Variants in WFDC8 observed in about 807,000 individuals in gnomAD.
WFDC8 encodes the protein WAP four-disulfide core domain protein 8.
WFDC8 carries 24 observed loss-of-function variants against 27.0 expected under a neutral mutation model. The ratio of observed to expected loss-of-function variants is 0.89; its 90% CI spans 0.64 to 1.25. The LOEUF (loss-of-function observed/expected upper bound fraction) is 1.25. Among genes scored for constraint, WFDC8 ranks in the 50% most tolerant of loss-of-function variants. WFDC8 has a pLI of 0.00. For missense variants in WFDC8, 287 were observed against 295.9 expected (o/e 0.97, Z 0.22); for synonymous variants, 106 against 99.7 (o/e 1.06, Z -0.38).
At chr20:45,556,788 C>A (rs931479573) in intron 3 of WFDC8, among the ~76,000 whole-genome samples, 1 of 152,120 alleles carries the variant, frequency 6.6e-6, no homozygotes, top group African/African-American at 2.4e-5. Context: ...GCAACAACAA[C>A]AAACTATTTC....
chr20:45,577,824 C>T (rs962532539), intron 1 of WFDC8, among the ~76,000 whole-genome samples: 11 of 149,138 alleles, frequency 7.4e-5, no homozygotes, highest in Admixed American at 1.3e-4. Context: ...CTGGCCAACA[C>T]GGTGAAACCC....
chr20:45,554,553 T>C (rs1353945311), intron 4 of WFDC8, among the ~76,000 whole-genome samples: 1 of 152,210 alleles, frequency 6.6e-6, no homozygotes, highest in Non-Finnish European at 1.5e-5. Flanking sequence ...CAGGCTATGA[T>C]GTGTTGAACT....
At chr20:45,560,640 A>G (rs571940399) in intron 2 of WFDC8, among the ~76,000 whole-genome samples, 14 of 152,330 alleles carry the variant, frequency 9.2e-5, no homozygotes, top group African/African-American at 3.1e-4. Context: ...ATCAAAAGTA[A>G]TGAGGTCAGA....
At chr20:45,565,059 AG>A (rs1980625738) in intron 1 of WFDC8, among the ~76,000 whole-genome samples, 1 of 145,088 alleles carries the variant, frequency 6.9e-6, no homozygotes, top group Non-Finnish European at 1.5e-5. Context: ...AAGGAAGAAG[AG>A]AGAGGGAGGG....
chr20:45,552,174 G>A lies in WFDC8; in HGVS notation c.587-9C>T, dbSNP rs17348421. The stretch of plus-strand genomic sequence containing the variant: ...GCAGAAACCTTTTTTGACTTTATGG[G>A]GTAAAAGAAAACACTTGACCTTGAA... On this transcript the variant is annotated splice_polypyrimidine_tract_variant and intron_variant, in intron 5 of 5. Coordinates refer to ENST00000289953, the MANE Select transcript of WFDC8 (RefSeq NM_130896.3). 642,135 of 1,610,564 alleles carry A rather than the reference G, an allele frequency of 0.4. 133,345 individuals carry two copies. The highest frequency in any genetic ancestry group is 0.43 in the Non-Finnish European group (508,619 of 1,178,706).
At chr20:45,569,711 G>T (rs569100725) in intron 1 of WFDC8, among the ~76,000 whole-genome samples, 2 of 152,232 alleles carry the variant, frequency 1.3e-5, no homozygotes, top group East Asian at 3.9e-4. Flanking sequence ...CATATGGATA[G>T]CCAGTTATCC....
chr20:45,560,873 A>G (rs1361818960), intron 2 of WFDC8, among the ~76,000 whole-genome samples: 1 of 152,220 alleles, frequency 6.6e-6, no homozygotes, highest in African/African-American at 2.4e-5. Flanking sequence ...CTTTCAGAAA[A>G]TATAGACTCT....
intron 1 of WFDC8, among the ~76,000 whole-genome samples, chr20:45,578,346 G>A (rs1981117177): frequency 6.6e-6 from 1 of 151,318 alleles, no homozygotes. Context: ...TATTACTTTG[G>A]TGTACAAAGA....
rs1980340245 is a variant in WFDC8 at position 45,558,288 on chromosome 20, GT to G, written c.277+563del. Among the ~76,000 whole-genome samples the G allele has an allele frequency of 4.6e-5, 7 of 152,248 alleles. No individual in the cohort carries two copies. In the South Asian group the frequency reaches 1.5e-3, roughly 32 times the overall value. On this transcript the variant is annotated intron_variant, in intron 3 of 5. Transcript: ENST00000289953. Reference sequence around the variant, plus strand: ...CTTCTTACTGAAATGCCTCATACTTGTCTAGGGTGAATCTTTTCCCTCACTT... The same window carrying G: ...CTTCTTACTGAAATGCCTCATACTTGCTAGGGTGAATCTTTTCCCTCACTT...
intron 1 of WFDC8, among the ~76,000 whole-genome samples, chr20:45,565,555 CAT>C (rs1980648407): frequency 6.6e-6 from 1 of 152,156 alleles, no homozygotes; most frequent in Non-Finnish European, 1.5e-5. Flanking sequence ...ATATCTCTCA[CAT>C]GTCTTCAAAG....
downstream of WFDC8, chr20:45,551,701 C>T (rs1458328746): frequency 1.7e-5 from 3 of 171,724 alleles, no homozygotes; most frequent in Non-Finnish European, 3.6e-5. Context: ...CCAAATTCAA[C>T]AACAAATATC....
chr20:45,565,021 A>AAAGAAAGGAAGG (rs144470212), intron 1 of WFDC8, among the ~76,000 whole-genome samples: 66 of 146,648 alleles, frequency 4.5e-4, no homozygotes, highest in African/African-American at 1.3e-3. Flanking sequence ...AAAGAGAAAG[A>AAAGAAAGGAAGG]AAGGAAGGAA....
Position 45,565,003 on chromosome 20 carries a change from GAAGA to G in WFDC8, c.27-2788_27-2785del, listed in dbSNP as rs796341219. Among the ~76,000 whole-genome samples, 830 of 96,370 alleles carry G rather than the reference GAAGA, an allele frequency of 8.6e-3. 3 individuals carry two copies. Among genetic ancestry groups the G allele is most frequent in the African/African-American group, 0.018 (460 of 26,256 alleles). 63.2% of individuals were successfully genotyped at this position (96,370 alleles called of 152,430 possible). A position where few individuals can be genotyped will look rare whatever the true frequency, so the allele number is the denominator to read the frequency against. ...AGAAGGAAGGAAAAGGAAAGGAAAG[GAAGA>G]AAGAAAGAGAAAGAAAGGAAGGAAG... On this transcript the variant is annotated intron_variant, in intron 1 of 5. Transcript: ENST00000289953.
At chr20:45,574,288 C>A (rs1266648136) in intron 1 of WFDC8, among the ~76,000 whole-genome samples, 1 of 152,084 alleles carries the variant, frequency 6.6e-6, no homozygotes, top group African/African-American at 2.4e-5. Context: ...ATTTAAAGAA[C>A]TAATGCTAAT....
In WFDC8 at chr20:45,568,621, G is replaced by A. The variant is rs542667280; in HGVS notation, c.27-6402C>T. The stretch of plus-strand genomic sequence containing the variant: ...AGCTTTATATTCCTGAATTCAGTGC[G>A]GACAATATCTAGCCTTCCAGAAAGT... On this transcript the variant is annotated intron_variant, in intron 1 of 5. Coordinates refer to ENST00000289953, the MANE Select transcript of WFDC8 (RefSeq NM_130896.3). 35 of 532,342 alleles carry A rather than the reference G, an allele frequency of 6.6e-5. No homozygotes were observed. The East Asian group carries it at 6.8e-4, about 10-fold the overall frequency. The allele number at this position is 532,342 out of a possible 1,614,324, so 33.0% of individuals were successfully genotyped here. A position where few individuals can be genotyped will look rare whatever the true frequency, so the allele number is the denominator to read the frequency against.
Position 45,562,748 on chromosome 20 carries a change from C to T in WFDC8, c.27-529G>A, listed in dbSNP as rs528531175. Among the ~76,000 whole-genome samples the T allele has an allele frequency of 6.6e-5, 10 of 152,278 alleles. No homozygotes were observed. The South Asian group carries it at 1.5e-3, about 22-fold the overall frequency. On this transcript the variant is annotated intron_variant, in intron 1 of 5. Coordinates refer to ENST00000289953, the MANE Select transcript of WFDC8 (RefSeq NM_130896.3). ...TTCCTTTTATTCCTTCTGTGACTAT[C>T]CAAGCCTAGGATCTTATGATACTCC... is the stretch of plus-strand genomic sequence containing the variant.
At chr20:45,573,258 G>A (rs1429506131) in intron 1 of WFDC8, among the ~76,000 whole-genome samples, 1 of 152,130 alleles carries the variant, frequency 6.6e-6, no homozygotes, top group Non-Finnish European at 1.5e-5. Context: ...AGCCATTGCA[G>A]TTAGATCTTT....
chr20:45,564,563 A>T (rs1212662976), intron 1 of WFDC8, among the ~76,000 whole-genome samples: 1 of 151,654 alleles, frequency 6.6e-6, no homozygotes, highest in Non-Finnish European at 1.5e-5. Context: ...AGTCCCAGCT[A>T]TTCGGGAGGC....
intron 3 of WFDC8, 76 bp from the exon 4 acceptor site, chr20:45,555,944 C>T (rs575937709): frequency 6.9e-7 from 1 of 1,458,904 alleles, no homozygotes; most frequent in Non-Finnish European, 9.4e-7. Flanking sequence ...TAGCATTTCT[C>T]ATAACTCCTG....
Sources: allele counts gnomAD v4.1 joint callset (sites outside exome capture counted in the v4.1 genomes callset), GRCh38; gene constraint gnomAD v4.1.1; transcripts MANE v1.5; gene names NCBI Gene and HGNC (gene_info 2026-07-23, HGNC 2026-07-21).